SHANK2: variants seen among roughly 807,000 people sequenced by gnomAD.
SHANK2 encodes SH3 and multiple ankyrin repeat domains 2.
In SHANK2, 43 loss-of-function variants were observed where a neutral mutation model predicts 133.7. That is an observed-to-expected ratio of 0.32 (90% CI 0.25 to 0.41). The LOEUF is 0.41. Among genes scored for constraint, SHANK2 ranks in the 10% least tolerant of loss-of-function variants. SHANK2 has a pLI of 1.00. For missense variants in SHANK2, 1,994 were observed against 2,235.8 expected (o/e 0.89, Z 2.18); for synonymous variants, 1,017 against 952.8 (o/e 1.07, Z -1.24).
rs868927400 is a variant in SHANK2, at chr11:71,180,695, C to G, written c.-12-33357G>C. ...AACCTGTCAATCCACGTAAGCCACA[C>G]TACACTAGGCCACACACCAATGTGG... On this transcript the variant is annotated intron_variant, in intron 2 of 25. Coordinates refer to ENST00000601538, the MANE Select transcript of SHANK2 (RefSeq NM_012309.5). Among the ~76,000 whole-genome samples, 21 of 152,256 alleles carry G rather than the reference C, an allele frequency of 1.4e-4. No homozygotes were observed. The South Asian group carries it at 4.4e-3, about 32-fold the overall frequency.
chr11:70,584,376 G>A (rs1437760776), intron 17 of SHANK2, among the ~76,000 whole-genome samples: 6 of 152,124 alleles, frequency 3.9e-5, no homozygotes, highest in Admixed American at 2.0e-4. Context: ...CTGGAGGGAT[G>A]GCCCCTCAAG....
At chr11:71,179,071 G>A (rs909234524) in intron 2 of SHANK2, among the ~76,000 whole-genome samples, 1 of 152,078 alleles carries the variant, frequency 6.6e-6, no homozygotes, top group African/African-American at 2.4e-5. Flanking sequence ...TTTCCAGAAA[G>A]CTGGATAAAA....
rs782486348 is a variant in SHANK2, at chr11:70,535,593, T to G, written c.2062-32662A>C. Reference sequence around the variant, plus strand: ...CCGTCCTTCTGTCTGCTGGTGCATCTCATGTCTGTCAGGTTGCCTCTGTGA... The same window carrying G: ...CCGTCCTTCTGTCTGCTGGTGCATCGCATGTCTGTCAGGTTGCCTCTGTGA... On this transcript the variant is annotated intron_variant, in intron 17 of 25. Coordinates refer to ENST00000601538, the MANE Select transcript of SHANK2 (RefSeq NM_012309.5). The surrounding 1 kb of genome is among the most constrained non-coding windows in gnomAD (Gnocchi z 4.3). 4.6e-5 allele frequency among the ~76,000 whole-genome samples: 7 copies of G among 152,234 alleles called. No individual in the cohort carries two copies. Among genetic ancestry groups the G allele is most frequent in the Non-Finnish European group, 8.8e-5 (6 of 68,050 alleles).
chr11:70,659,765 G>A (rs1555012691), intron 17 of SHANK2, 63 bp downstream of exon 17: 104 of 1,607,102 alleles, frequency 6.5e-5, no homozygotes, highest in South Asian at 1.1e-5. Flanking sequence ...CCAGGACTAC[G>A]ACCCTCTCCC....
At chr11:71,119,071 G>A in intron 3 of SHANK2, 39 bp from the exon 4 acceptor site, 2 of 1,537,098 alleles carry the variant, frequency 1.3e-6, no homozygotes, top group Non-Finnish European at 1.8e-6. Context: ...AGTGACAGAG[G>A]ACGCTACCTG....
At chr11:70,550,700 C>T (rs1353170044) in intron 17 of SHANK2, among the ~76,000 whole-genome samples, 2 of 152,110 alleles carry the variant, frequency 1.3e-5, no homozygotes, top group South Asian at 2.1e-4. Flanking sequence ...GGGAGGGGCC[C>T]GGTGGTGAAG....
chr11:71,166,830 T>C (rs1953162103), intron 2 of SHANK2, among the ~76,000 whole-genome samples: 1 of 149,006 alleles, frequency 6.7e-6, no homozygotes, highest in Admixed American at 6.7e-5. Flanking sequence ...TGGGTGTTTC[T>C]CGCAGAGGGG....
At chr11:70,865,592 G>A (rs528463729) in intron 11 of SHANK2, among the ~76,000 whole-genome samples, 1 of 152,230 alleles carries the variant, frequency 6.6e-6, no homozygotes, top group Admixed American at 6.5e-5. Flanking sequence ...GGGTGGGGTG[G>A]GGTGGCCGGG....
chr11:70,599,971 G>GAAAGAAAGAA lies in SHANK2; in HGVS notation c.2061+59856_2061+59857insTTCTTTCTTT, dbSNP rs782190120. On this transcript the variant is annotated intron_variant, in intron 17 of 25. Coordinates refer to ENST00000601538, the MANE Select transcript of SHANK2 (RefSeq NM_012309.5). ...AGAAAGAAAGAAAGAAAGAAAGAAA[G>GAAAGAAAGAA]AAAATGTATCATGTTCTTGAACAGG... Among the ~76,000 whole-genome samples, 774 of 104,876 alleles carry GAAAGAAAGAA rather than the reference G, an allele frequency of 7.4e-3. 20 individuals carry two copies. The highest frequency in any genetic ancestry group is 0.019 in the South Asian group (70 of 3,628). 68.8% of individuals were successfully genotyped at this position (104,876 alleles called of 152,430 possible).
chr11:70,946,193 A>C (rs1950728096), intron 10 of SHANK2, among the ~76,000 whole-genome samples: 1 of 129,484 alleles, frequency 7.7e-6, no homozygotes, highest in African/African-American at 3.0e-5. Flanking sequence ...TCCCAGGCTC[A>C]ACCTCCCTCT....
intron 14 of SHANK2, among the ~76,000 whole-genome samples, chr11:70,788,882 G>C (rs1236999920): frequency 3.9e-5 from 6 of 152,158 alleles, no homozygotes; most frequent in African/African-American, 1.4e-4. Context: ...ATTTCTGGGA[G>C]GAGGAAACAC....
intron 2 of SHANK2, among the ~76,000 whole-genome samples, chr11:71,202,556 G>A (rs1954038634): frequency 6.6e-6 from 1 of 152,082 alleles, no homozygotes; most frequent in Non-Finnish European, 1.5e-5. Flanking sequence ...CCCTCCTCAG[G>A]AGCTGGCTTC....
At chr11:70,949,256 C>T (rs1027712644) in intron 10 of SHANK2, among the ~76,000 whole-genome samples, 4 of 152,350 alleles carry the variant, frequency 2.6e-5, no homozygotes, top group East Asian at 1.9e-4. Flanking sequence ...CCGCCCCTCC[C>T]GGCTCCGCCC....
At chr11:70,793,246 C>T (rs1196914194) in intron 14 of SHANK2, among the ~76,000 whole-genome samples, 2 of 152,156 alleles carry the variant, frequency 1.3e-5, no homozygotes, top group Non-Finnish European at 2.9e-5. Flanking sequence ...ACACAATATT[C>T]GTGTGAAATA....
At chr11:70,634,726 T>G (rs2061048400) in intron 17 of SHANK2, 1 of 152,260 alleles carries the variant, frequency 6.6e-6, no homozygotes, top group Non-Finnish European at 1.5e-5. Flanking sequence ...CCAGGTGTGA[T>G]GGCACGTCCC....
chr11:70,577,585 C>A (rs1337221133), intron 17 of SHANK2, among the ~76,000 whole-genome samples: 2 of 152,232 alleles, frequency 1.3e-5, no homozygotes, highest in Non-Finnish European at 2.9e-5. Context: ...GGGAATCATC[C>A]TTTCCTGATG....
intron 18 of SHANK2, among the ~76,000 whole-genome samples, 187 bp downstream of exon 18, chr11:70,502,609 G>A (rs1364000842): frequency 5.3e-5 from 8 of 152,284 alleles, no homozygotes; most frequent in Admixed American, 2.0e-4. Context: ...GATTCCGGCA[G>A]CGTGTGAGCC....
chr11:70,782,248 G>C (rs1555045335), intron 14 of SHANK2, among the ~76,000 whole-genome samples: 1 of 152,204 alleles, frequency 6.6e-6, no homozygotes, highest in Non-Finnish European at 1.5e-5. Context: ...ATAGAGACAA[G>C]ATTTTGCCAT....
Position 70,807,124 on chromosome 11 carries a change from T to G in SHANK2, c.1541A>C (p.Glu514Ala), listed in dbSNP as rs1555052110. 1.4e-6 allele frequency: 1 copy of G among 717,948 alleles called. No homozygotes were observed. Among genetic ancestry groups the G allele is most frequent in the Non-Finnish European group, 2.6e-6 (1 of 384,940 alleles). The allele number at this position is 717,948 out of a possible 1,614,324, so 44.5% of individuals were successfully genotyped here. ...GANKDSLSAF[E>A]YPGPKRKLYS... Reference sequence around the variant, plus strand: ...GAGCTTCCGCTTGGGCCCCGGGTACTCGAAGGCCGAGAGTGAGTCCTTGTT... The same window carrying G: ...GAGCTTCCGCTTGGGCCCCGGGTACGCGAAGGCCGAGAGTGAGTCCTTGTT... The change falls in exon 13 of 26, where the codon GAG (glutamate) becomes GCG (alanine). Residue 514 changes from glutamate to alanine, a missense_variant. By Grantham distance (107) the Glu-to-Ala change is moderately radical. Around this residue, in one of 5 missense-constraint regions of SHANK2, gnomAD observed 653 missense variants for 563.4 expected, o/e 1.16. Coordinates refer to ENST00000601538, the MANE Select transcript of SHANK2 (RefSeq NM_012309.5). This position sits in a 1 kb window ranked among gnomAD's most constrained non-coding sequence, Gnocchi z 4.8.
Sources: gnomAD v4.1 joint callset for allele counts (sites outside exome capture counted in the v4.1 genomes callset) on GRCh38, gnomAD v4.1.1 for gene constraint, gnomAD v4.1.1 regional missense constraint, Gnocchi (gnomAD v3.1) non-coding constraint, MANE v1.5 for transcripts, NCBI Gene and HGNC (gene_info 2026-07-23, HGNC 2026-07-21) for gene names.